The following KCNMB2 variants were observed in gnomAD, a reference collection of about 807,000 sequenced individuals.
The protein encoded by KCNMB2 is calcium-activated potassium channel subunit beta-2.
In KCNMB2, 9 loss-of-function variants were observed where a neutral mutation model predicts 24.5. The observed-to-expected ratio is 0.37, with a 90% CI of 0.22 to 0.64. KCNMB2 has a LOEUF of 0.64. Among genes scored for constraint, KCNMB2 ranks in the 30% least tolerant of loss-of-function variants. The pLI is 0.63. For missense variants in KCNMB2, 226 were observed against 284.3 expected, an observed-to-expected ratio of 0.79 and a Z score of 1.47; for synonymous variants, 109 against 104.4, an observed-to-expected ratio of 1.04 and a Z score of -0.27.
chr3:178,632,272 A>G (rs1159101653), intron 1 of KCNMB2, among the ~76,000 whole-genome samples: 2 of 152,192 alleles, frequency 1.3e-5, no homozygotes, highest in African/African-American at 2.4e-5. Context: ...GATAGTACAC[A>G]CAGTATGCTC....
At chr3:178,664,085 A>G (rs192759718) in intron 1 of KCNMB2, among the ~76,000 whole-genome samples, 8 of 152,240 alleles carry the variant, frequency 5.3e-5, no homozygotes, top group African/African-American at 1.9e-4. Context: ...TTTTCCGTTT[A>G]CATAGCACTT....
At chr3:178,692,421 T>C (rs1258611282) in intron 1 of KCNMB2, among the ~76,000 whole-genome samples, 2 of 152,244 alleles carry the variant, frequency 1.3e-5, no homozygotes, top group Non-Finnish European at 2.9e-5. Flanking sequence ...AATTTTTGCA[T>C]ATGGTATAAG....
intron 1 of KCNMB2, among the ~76,000 whole-genome samples, chr3:178,552,932 G>A (rs941379031): frequency 2.0e-5 from 3 of 152,056 alleles, no homozygotes; most frequent in African/African-American, 7.2e-5. Flanking sequence ...GATGTTACTC[G>A]TGTTTCGAAG....
chr3:178,624,766 G>C (rs1252327177), intron 1 of KCNMB2, among the ~76,000 whole-genome samples: 1 of 151,986 alleles, frequency 6.6e-6, no homozygotes, highest in Non-Finnish European at 1.5e-5. Context: ...GGTGGGAAGG[G>C]TGTTGGCACT....
In KCNMB2 at chr3:178,558,358, A is replaced by C. The variant is rs539735339; in HGVS notation, c.-68+21647A>C. 1.4e-4 allele frequency among the ~76,000 whole-genome samples: 22 copies of C among 152,324 alleles called. No homozygotes were observed. In the South Asian group the frequency reaches 4.6e-3, roughly 32 times the overall value. The stretch of plus-strand genomic sequence containing the variant: ...GACTTATTTTAAGTAATTAAAAAGG[A>C]GCTGTGTGTGTAGTAACAAGATCAG... On this transcript the variant is annotated intron_variant, in intron 1 of 4. Transcript: ENST00000452583.
At chr3:178,591,505 A>ACTCC (rs1717672507) in intron 1 of KCNMB2, among the ~76,000 whole-genome samples, 1 of 151,972 alleles carries the variant, frequency 6.6e-6, no homozygotes, top group Non-Finnish European at 1.5e-5. Flanking sequence ...AGGAGGGAGC[A>ACTCC]CTCCCCGTCT....
chr3:178,763,914 T>A lies in KCNMB2; in HGVS notation c.-67-43429T>A, dbSNP rs1712014225. Among the ~76,000 whole-genome samples the A allele has an allele frequency of 1.3e-5, 2 of 152,190 alleles. 1 individual carries two copies. The highest frequency in any genetic ancestry group is 4.8e-5 in the African/African-American group (2 of 41,452). Reference sequence around the variant, plus strand: ...ACTAAGTTAACATTCACAGGATTTTTGTCATTGTTAAATAGAGTGACATAT... The same window carrying A: ...ACTAAGTTAACATTCACAGGATTTTAGTCATTGTTAAATAGAGTGACATAT... On this transcript the variant is annotated intron_variant, in intron 1 of 4. Coordinates refer to ENST00000452583, the MANE Select transcript of KCNMB2 (RefSeq NM_181361.3).
At chr3:178,841,098 T>C (rs1163634050) in intron 4 of KCNMB2, among the ~76,000 whole-genome samples, 1 of 152,244 alleles carries the variant, frequency 6.6e-6, no homozygotes, top group East Asian at 1.9e-4. Context: ...AAATTTCTTC[T>C]GTCAGATATC....
intron 1 of KCNMB2, among the ~76,000 whole-genome samples, chr3:178,773,605 C>T (rs73051680): frequency 0.031 from 4,687 of 152,254 alleles, 255 homozygotes; most frequent in African/African-American, 0.11. Flanking sequence ...CTACCTCTTC[C>T]TCCCCACTCT....
chr3:178,763,814 G>C (rs574511223), intron 1 of KCNMB2, among the ~76,000 whole-genome samples: 1 of 152,246 alleles, frequency 6.6e-6, no homozygotes, highest in Non-Finnish European at 1.5e-5. Context: ...TTATACTTCT[G>C]TCATTTACTG....
rs939774233 is a variant in KCNMB2 at position 178,611,709 on chromosome 3, A to AAAACAAAC, written c.-68+75014_-68+75021dup. Among the ~76,000 whole-genome samples, 614 of 152,178 alleles carry AAAACAAAC rather than the reference A, an allele frequency of 4.0e-3. 3 individuals carry two copies. The highest frequency in any genetic ancestry group is 0.014 in the African/African-American group (575 of 41,476). ...GACAGAGCGAGACTCTGTCTCACAA[A>AAAACAAAC]AAACAAACAAACAAACAAACAAAAA... On this transcript the variant is annotated intron_variant, in intron 1 of 4. Coordinates refer to ENST00000452583, the MANE Select transcript of KCNMB2 (RefSeq NM_181361.3).
At chr3:178,553,136 C>T (rs1160229006) in intron 1 of KCNMB2, among the ~76,000 whole-genome samples, 4 of 152,098 alleles carry the variant, frequency 2.6e-5, no homozygotes, top group African/African-American at 9.7e-5. Flanking sequence ...AAATTTCACC[C>T]GAACCTTCAC....
rs185898947 is a variant in KCNMB2 at position 178,745,009 on chromosome 3, T to C, written c.-67-62334T>C. ...TGACAGGAAGATGTTAATAAACCTG[T>C]ATGTGCCTCAGTTTATTCTTCCACA... On this transcript the variant is annotated intron_variant, in intron 1 of 4. Coordinates refer to ENST00000452583, the MANE Select transcript of KCNMB2 (RefSeq NM_181361.3). Among the ~76,000 whole-genome samples, 4 of 152,344 alleles carry C rather than the reference T, an allele frequency of 2.6e-5. No homozygotes were observed. The East Asian group carries it at 7.7e-4, about 29-fold the overall frequency.
chr3:178,793,642 A>G (rs1713418028), intron 1 of KCNMB2, among the ~76,000 whole-genome samples: 1 of 152,136 alleles, frequency 6.6e-6, no homozygotes, highest in South Asian at 2.1e-4. Context: ...AGGTTCCTAC[A>G]GCCAAGAAGA....
At chr3:178,554,450 G>C (rs1435754576) in intron 1 of KCNMB2, among the ~76,000 whole-genome samples, 3 of 152,214 alleles carry the variant, frequency 2.0e-5, no homozygotes, top group South Asian at 2.1e-4. Context: ...GTGATATTTA[G>C]AGAGTTCATA....
intron 1 of KCNMB2, among the ~76,000 whole-genome samples, chr3:178,724,481 T>C (rs577004182): frequency 2.9e-4 from 44 of 152,286 alleles, no homozygotes; most frequent in African/African-American, 1.0e-3. Context: ...ATAGTTTCTT[T>C]TGTTGTACAG....
intron 1 of KCNMB2, among the ~76,000 whole-genome samples, chr3:178,624,010 G>A (rs1203411229): frequency 6.6e-6 from 1 of 152,164 alleles, no homozygotes; most frequent in Non-Finnish European, 1.5e-5. Flanking sequence ...AGACACAGCT[G>A]CCCCTTTCAG....
At chr3:178,776,380 C>T (rs1458400325) in intron 1 of KCNMB2, among the ~76,000 whole-genome samples, 2 of 152,008 alleles carry the variant, frequency 1.3e-5, no homozygotes, top group African/African-American at 4.8e-5. Context: ...TTCTTTTCAC[C>T]CCTACCCTTG....
chr3:178,838,570 CAAA>C (rs10706377), intron 4 of KCNMB2, among the ~76,000 whole-genome samples: 17 of 132,362 alleles, frequency 1.3e-4, no homozygotes, highest in Admixed American at 3.1e-4. Context: ...TACAGCTCAG[CAAA>C]AAAAAAAAAA....
Sources: gnomAD v4.1 joint callset for allele counts (sites outside exome capture counted in the v4.1 genomes callset) on GRCh38, gnomAD v4.1.1 for gene constraint, MANE v1.5 for transcripts, NCBI Gene and HGNC (gene_info 2026-07-23, HGNC 2026-07-21) for gene names.